KIRREL3: variants seen among roughly 807,000 people sequenced by gnomAD.
KIRREL3 encodes the protein kirre like nephrin family adhesion molecule 3.
Under a neutral mutation model 89.7 loss-of-function variants are expected in KIRREL3, and 36 were observed. That is an observed-to-expected ratio of 0.40 (90% CI 0.31 to 0.53). The LOEUF is 0.53. Among genes scored for constraint, KIRREL3 ranks in the 20% least tolerant of loss-of-function variants. KIRREL3 has a pLI of 0.49. For synonymous variants in KIRREL3, 445 were observed against 441.4 expected, an observed-to-expected ratio of 1.01 and a Z score of -0.10; for missense variants, 864 against 1,056.6, an observed-to-expected ratio of 0.82 and a Z score of 2.53.
chr11:126,742,128 A>G lies in KIRREL3; in HGVS notation c.56-179216T>C, dbSNP rs1037902496. 7.2e-5 allele frequency among the ~76,000 whole-genome samples: 11 copies of G among 152,240 alleles called. No individual in the cohort carries two copies. Among genetic ancestry groups the G allele is most frequent in the Non-Finnish European group, 1.3e-4 (9 of 68,042 alleles). ...TCCCAGTTTCAGCTTCCAGAATGCAACCTTAATCTTGTTCATTTGCATAAG... is the reference window on the plus strand; with the variant it reads ...TCCCAGTTTCAGCTTCCAGAATGCAGCCTTAATCTTGTTCATTTGCATAAG... On this transcript the variant is annotated intron_variant, in intron 1 of 16. Coordinates refer to ENST00000525144, the MANE Select transcript of KIRREL3 (RefSeq NM_032531.4). This position sits in a 1 kb window ranked among gnomAD's most constrained non-coding sequence, Gnocchi z 5.3.
At chr11:126,567,222 A>G (rs1418195924) in intron 1 of KIRREL3, among the ~76,000 whole-genome samples, 1 of 152,188 alleles carries the variant, frequency 6.6e-6, no homozygotes, top group Non-Finnish European at 1.5e-5. Flanking sequence ...ATCATGTTAT[A>G]ATGAGGTCAT....
chr11:126,514,800 C>A (rs1196193055), intron 4 of KIRREL3, among the ~76,000 whole-genome samples: 1 of 151,358 alleles, frequency 6.6e-6, no homozygotes, highest in Non-Finnish European at 1.5e-5. Context: ...AGGCGCTTAG[C>A]CACATTGCCT....
chr11:126,599,316 G>A (rs545071260), intron 1 of KIRREL3, among the ~76,000 whole-genome samples: 7 of 152,210 alleles, frequency 4.6e-5, no homozygotes, highest in East Asian at 3.9e-4. Flanking sequence ...GTCCCTGCTC[G>A]GTGTCTTGGC....
rs1050556347 is a variant in KIRREL3, at chr11:126,900,204, G to C, written c.55+100251C>G. ...CTCTCATGTGCCTAATTTATAGCAA[G>C]TCACCTACTACTAGAACATCGGCCC... On this transcript the variant is annotated intron_variant, in intron 1 of 16. Transcript: ENST00000525144. This position sits in a 1 kb window ranked among gnomAD's most constrained non-coding sequence, Gnocchi z 4.4. Among the ~76,000 whole-genome samples the C allele has an allele frequency of 4.6e-5, 7 of 152,160 alleles. No homozygotes were observed. The highest frequency in any genetic ancestry group is 9.7e-5 in the African/African-American group (4 of 41,440).
intron 1 of KIRREL3, among the ~76,000 whole-genome samples, chr11:126,573,093 G>C (rs1941057268): frequency 6.6e-6 from 1 of 152,162 alleles, no homozygotes; most frequent in Non-Finnish European, 1.5e-5. Flanking sequence ...CCAGTGGGCT[G>C]GGAATGCCCC....
chr11:126,795,514 C>T lies in KIRREL3; in HGVS notation c.55+204941G>A, dbSNP rs1208235776. ...CCTCCTGAGCAGCTAGGACTACAGG[C>T]GTGTGCCACCACACCTGGCTAATTT... On this transcript the variant is annotated intron_variant, in intron 1 of 16. Transcript: ENST00000525144. This position sits in a 1 kb window ranked among gnomAD's most constrained non-coding sequence, Gnocchi z 4.1. Among the ~76,000 whole-genome samples, 1 of 152,058 alleles carries T rather than the reference C, an allele frequency of 6.6e-6. No individual in the cohort carries two copies. Among genetic ancestry groups the T allele is most frequent in the Non-Finnish European group, 1.5e-5 (1 of 68,014 alleles).
chr11:126,546,597 G>A (rs1383949721), intron 2 of KIRREL3, among the ~76,000 whole-genome samples: 1 of 152,088 alleles, frequency 6.6e-6, no homozygotes, highest in African/African-American at 2.4e-5. Flanking sequence ...TTCTCTCCTC[G>A]GTGACATGCT....
Position 126,462,133 on chromosome 11 carries a change from CTGTT to C in KIRREL3, c.742+1020_742+1023del, listed in dbSNP as rs1398551754. On this transcript the variant is annotated intron_variant, in intron 6 of 16. Transcript: ENST00000525144. This position sits in a 1 kb window ranked among gnomAD's most constrained non-coding sequence, Gnocchi z 4.8. ...ACTTTTAGGAGACTTTCAGGGGTCT[CTGTT>C]AGGTGGTTGTGGGATGCGATGCTGG... Among the ~76,000 whole-genome samples the C allele has an allele frequency of 5.9e-5, 9 of 152,170 alleles. 1 individual carries two copies. The highest frequency in any genetic ancestry group is 2.2e-4 in the African/African-American group (9 of 41,444).
intron 1 of KIRREL3, among the ~76,000 whole-genome samples, chr11:126,792,701 A>G (rs193249299): frequency 6.6e-6 from 1 of 152,370 alleles, no homozygotes; most frequent in Non-Finnish European, 1.5e-5. Context: ...GCGATTAACA[A>G]TGGTTACAAG....
At chr11:126,770,916 A>G (rs182472505) in intron 1 of KIRREL3, among the ~76,000 whole-genome samples, 34 of 152,204 alleles carry the variant, frequency 2.2e-4, no homozygotes, top group African/African-American at 7.9e-4. Flanking sequence ...GCTCACTGCA[A>G]ACTCCACCTC....
At chr11:126,517,337 C>T (rs956966672) in intron 4 of KIRREL3, among the ~76,000 whole-genome samples, 23 of 152,188 alleles carry the variant, frequency 1.5e-4, no homozygotes, top group Non-Finnish European at 3.2e-4. Flanking sequence ...CAAGGTCACC[C>T]AGTTAGTGAG....
At position 126,571,503 on chromosome 11, in the gene KIRREL3, T is replaced by C. The variant is rs939043296; in HGVS notation, c.56-8591A>G. ...AGGCTCATGTAGTTCACCATCACAATGAAAGCTGCCATGTGCTGATTGCTT... is the reference window on the plus strand; with the variant it reads ...AGGCTCATGTAGTTCACCATCACAACGAAAGCTGCCATGTGCTGATTGCTT... On this transcript the variant is annotated intron_variant, in intron 1 of 16. Transcript: ENST00000525144. This position sits in a 1 kb window ranked among gnomAD's most constrained non-coding sequence, Gnocchi z 7.7. 6.6e-6 allele frequency among the ~76,000 whole-genome samples: 1 copy of C among 152,236 alleles called. No individual in the cohort carries two copies. The highest frequency in any genetic ancestry group is 1.5e-5 in the Non-Finnish European group (1 of 68,044).
intron 1 of KIRREL3, among the ~76,000 whole-genome samples, chr11:126,921,348 T>C (rs1013817969): frequency 1.3e-5 from 2 of 152,304 alleles, no homozygotes; most frequent in Middle Eastern, 6.8e-3. Context: ...GCCTCCATAA[T>C]TGTGTGAGCC....
chr11:126,539,959 G>A (rs1389623753), intron 2 of KIRREL3, among the ~76,000 whole-genome samples: 10 of 152,356 alleles, frequency 6.6e-5, no homozygotes, highest in Middle Eastern at 6.8e-3. Context: ...GGAGTGTTGG[G>A]AGTAGCTGCC....
chr11:126,503,483 TA>T (rs1334506263), intron 4 of KIRREL3, among the ~76,000 whole-genome samples: 1 of 152,122 alleles, frequency 6.6e-6, no homozygotes, highest in Admixed American at 6.5e-5. Flanking sequence ...CAGTGTGGTA[TA>T]AAAAACATTT....
Position 126,747,111 on chromosome 11 carries a change from C to T in KIRREL3, c.56-184199G>A, listed in dbSNP as rs530310490. Reference sequence around the variant, plus strand: ...AGACCTTTCCTAAAATGACTGGAATCGCCTCAGCTGTGTAGCTAACTTGTT... The same window carrying T: ...AGACCTTTCCTAAAATGACTGGAATTGCCTCAGCTGTGTAGCTAACTTGTT... On this transcript the variant is annotated intron_variant, in intron 1 of 16. Transcript: ENST00000525144. The surrounding 1 kb of genome is among the most constrained non-coding windows in gnomAD (Gnocchi z 4.7). Among the ~76,000 whole-genome samples, 14 of 152,222 alleles carry T rather than the reference C, an allele frequency of 9.2e-5. No homozygotes were observed. The highest frequency in any genetic ancestry group is 9.6e-5 in the African/African-American group (4 of 41,468).
At chr11:126,933,318 C>T (rs752178981) in intron 1 of KIRREL3, among the ~76,000 whole-genome samples, 4 of 151,780 alleles carry the variant, frequency 2.6e-5, no homozygotes, top group Non-Finnish European at 2.9e-5. Flanking sequence ...AGTGAGTGAG[C>T]CTAAGTTCAT....
rs1484415207 is a variant in KIRREL3, at chr11:126,811,450, TAG to T, written c.55+189003_55+189004del. On this transcript the variant is annotated intron_variant, in intron 1 of 16. Transcript: ENST00000525144. This position sits in a 1 kb window ranked among gnomAD's most constrained non-coding sequence, Gnocchi z 4.3. ...AGAACCCTGAAAAGTGTCTAGCACA[TAG>T]AGTATTCTCATAGCTGTTGACAAAC... Among the ~76,000 whole-genome samples the T allele has an allele frequency of 6.6e-6, 1 of 152,194 alleles. No individual in the cohort carries two copies. Among genetic ancestry groups the T allele is most frequent in the Admixed American group, 6.5e-5 (1 of 15,286 alleles).
intron 2 of KIRREL3, among the ~76,000 whole-genome samples, chr11:126,543,472 A>G (rs927189234): frequency 6.6e-6 from 1 of 152,152 alleles, no homozygotes; most frequent in Non-Finnish European, 1.5e-5. Context: ...CCAGGGTCAC[A>G]GGGTGTGGTA....
Sources: allele counts gnomAD v4.1 joint callset (sites outside exome capture counted in the v4.1 genomes callset), GRCh38; gene constraint gnomAD v4.1.1; non-coding constraint Gnocchi (gnomAD v3.1); transcripts MANE v1.5; gene names NCBI Gene and HGNC (gene_info 2026-07-23, HGNC 2026-07-21).